SP140: variants seen among roughly 807,000 people sequenced by gnomAD.
SP140 encodes SP140 nuclear body protein, also known as nuclear body protein SP140.
In SP140, 81 loss-of-function variants were observed where a neutral mutation model predicts 125.0. That is an observed-to-expected ratio of 0.65 (90% CI 0.54 to 0.78). SP140 has a LOEUF of 0.78. SP140 is among the 30% of genes least tolerant of loss of function. SP140 has a pLI of 0.00. For missense variants in SP140, 858 were observed against 1,037.0 expected (o/e 0.83, Z 2.37); for synonymous variants, 312 against 354.0 (o/e 0.88, Z 1.33).
intron 20 of SP140, 140 bp from the exon 21 acceptor site, chr2:230,294,131 G>C: frequency 1.5e-6 from 1 of 665,542 alleles, no homozygotes. Flanking sequence ...AAGACAGGGA[G>C]ATGGTTTCTC....
At chr2:230,225,268 A>G (rs773872694), upstream of SP140, among the ~76,000 whole-genome samples, 14 of 152,186 alleles carry the variant, frequency 9.2e-5, no homozygotes, top group Non-Finnish European at 1.8e-4. Context: ...GGAGGAGTTG[A>G]GAGAGTTGTC....
chr2:230,275,671 C>T (rs577927591), intron 15 of SP140, among the ~76,000 whole-genome samples: 11 of 152,228 alleles, frequency 7.2e-5, no homozygotes, highest in East Asian at 1.9e-4. Context: ...TTAAAGGAAG[C>T]GTCACATGTG....
chr2:230,229,310 A>G (rs965745797), intron 1 of SP140, among the ~76,000 whole-genome samples: 2 of 151,980 alleles, frequency 1.3e-5, no homozygotes, highest in Non-Finnish European at 2.9e-5. Context: ...AATTTGAATA[A>G]ATGGCTTCAT....
At chr2:230,225,567 G>C (rs1271405191), upstream of SP140, 1 of 516,096 alleles carries the variant, frequency 1.9e-6, no homozygotes, top group Non-Finnish European at 3.5e-6. Context: ...TGAGTTGAAT[G>C]ACTTTTCCAC....
Position 230,310,284 on chromosome 2 carries a change from A to C in SP140, c.2174+245A>C, listed in dbSNP as rs896102527. 9 of 533,576 alleles carry C rather than the reference A, an allele frequency of 1.7e-5. No individual in the cohort carries two copies. In the African/African-American group the frequency reaches 1.7e-4, roughly 10 times the overall value. The allele number at this position is 533,576 out of a possible 1,614,324, so 33.1% of individuals were successfully genotyped here. A position where few individuals can be genotyped will look rare whatever the true frequency, so the allele number is the denominator to read the frequency against. ...GGCAGTGTTGGGGACCTTTGCCTAC[A>C]TACCGGCATTGTCCTTTCCTTGAAG... On this transcript the variant is annotated intron_variant, in intron 23 of 26. Coordinates refer to ENST00000392045, the MANE Select transcript of SP140 (RefSeq NM_007237.5).
At chr2:230,256,773 C>G (rs2051283682) in intron 12 of SP140, among the ~76,000 whole-genome samples, 2 of 152,172 alleles carry the variant, frequency 1.3e-5, no homozygotes, top group Non-Finnish European at 2.9e-5. Flanking sequence ...CTTGACAAAG[C>G]CTTCAGTGTA....
intron 3 of SP140, chr2:230,216,751 G>A (rs1443847313): frequency 6.2e-7 from 1 of 1,612,658 alleles, no homozygotes; most frequent in Admixed American, 1.7e-5. Flanking sequence ...TGGGGGCTGG[G>A]CTGCCATGGA....
intron 9 of SP140, 80 bp downstream of exon 9, chr2:230,249,048 C>G (rs2049949932): frequency 3.9e-6 from 4 of 1,020,856 alleles, no homozygotes; most frequent in East Asian, 5.0e-5. Context: ...TCCCTTTCTC[C>G]CATCCTACCC....
At chr2:230,288,040 T>A in intron 18 of SP140, 74 bp downstream of exon 18, 3 of 1,235,246 alleles carry the variant, frequency 2.4e-6, no homozygotes, top group Middle Eastern at 3.9e-4. Context: ...GTACTTTCAG[T>A]AATAAACCCA....
At chr2:230,187,689 C>T in the SP140 span, among the ~76,000 whole-genome samples, 1 of 152,118 alleles carries the variant, frequency 6.6e-6, no homozygotes, top group East Asian at 1.9e-4. Flanking sequence ...AATAGGGATC[C>T]AGTTTTATTC....
At chr2:230,297,014 G>A (rs1057388009) in intron 21 of SP140, among the ~76,000 whole-genome samples, 2 of 152,204 alleles carry the variant, frequency 1.3e-5, no homozygotes, top group African/African-American at 2.4e-5. Context: ...AAAATTTATA[G>A]CATTTATTTG....
At chr2:230,194,003 GTA>G in the SP140 span, among the ~76,000 whole-genome samples, 2 of 152,190 alleles carry the variant, frequency 1.3e-5, no homozygotes, top group Non-Finnish European at 2.9e-5. Flanking sequence ...ATGACAGAGA[GTA>G]TGTTTCCTCC....
At chr2:230,280,886 TTTG>T (rs2055441964) in intron 15 of SP140, among the ~76,000 whole-genome samples, 1 of 152,194 alleles carries the variant, frequency 6.6e-6, no homozygotes, top group Admixed American at 6.5e-5. Context: ...AAGTAAATTC[TTTG>T]TTTTTTCTAG....
chr2:230,252,218 A>G (rs954700220), intron 10 of SP140, among the ~76,000 whole-genome samples: 1 of 152,022 alleles, frequency 6.6e-6, no homozygotes, highest in Non-Finnish European at 1.5e-5. Flanking sequence ...TAGAATGTGC[A>G]TAGCAGATGT....
intron 9 of SP140, among the ~76,000 whole-genome samples, chr2:230,250,621 A>G (rs1377219758): frequency 6.6e-6 from 1 of 152,194 alleles, no homozygotes; most frequent in Non-Finnish European, 1.5e-5. Flanking sequence ...GGTGCAAGAG[A>G]AAAAGGCAGG....
In SP140 at chr2:230,225,800, A is replaced by T; in HGVS notation, c.-45A>T. ...CTTCACCTCAGAGCTGCAGGAAGGAACGGGGCAGTGAAAATCGAATCGGGT... is the reference window on the plus strand; with the variant it reads ...CTTCACCTCAGAGCTGCAGGAAGGATCGGGGCAGTGAAAATCGAATCGGGT... On this transcript the variant is annotated 5_prime_UTR_variant, in exon 1 of 27. Transcript: ENST00000392045. The T allele has an allele frequency of 1.3e-6, 2 of 1,540,442 alleles. No homozygotes were observed. The highest frequency in any genetic ancestry group is 1.8e-6 in the Non-Finnish European group (2 of 1,112,668).
chr2:230,266,490 AC>A (rs1308163523), intron 12 of SP140, among the ~76,000 whole-genome samples: 1 of 152,226 alleles, frequency 6.6e-6, no homozygotes, highest in Non-Finnish European at 1.5e-5. Flanking sequence ...ACAAATAACC[AC>A]AAATGTAATG....
chr2:230,244,554 C>T (rs1487141747), intron 5 of SP140, among the ~76,000 whole-genome samples: 1 of 152,116 alleles, frequency 6.6e-6, no homozygotes, highest in Non-Finnish European at 1.5e-5. Flanking sequence ...TCAGCAAAAG[C>T]ATTTCCATGG....
Position 230,211,707 on chromosome 2 carries a change from A to C in SP140, c.-322-1947A>C, listed in dbSNP as rs1174782409. 6.6e-6 allele frequency among the ~76,000 whole-genome samples: 1 copy of C among 152,182 alleles called. No homozygotes were observed. The highest frequency in any genetic ancestry group is 1.5e-5 in the Non-Finnish European group (1 of 68,026). ...ATGGCATAGAGTGGGAAAGTAAGCA[A>C]CCATTCACTCTCAATTAGCCACTTG... On this transcript the variant is annotated intron_variant, in intron 1 of 4. Transcript: ENST00000456542. The surrounding 1 kb of genome is among the most constrained non-coding windows in gnomAD (Gnocchi z 4.2).
Sources: gnomAD v4.1 joint callset for allele counts (sites outside exome capture counted in the v4.1 genomes callset) on GRCh38, gnomAD v4.1.1 for gene constraint, Gnocchi (gnomAD v3.1) non-coding constraint, MANE v1.5 for transcripts, NCBI Gene and HGNC (gene_info 2026-07-23, HGNC 2026-07-21) for gene names.